FTO: variants seen among roughly 807,000 people sequenced by gnomAD.
FTO encodes alpha-ketoglutarate-dependent dioxygenase FTO.
FTO carries 47 observed loss-of-function variants against 63.9 expected under a neutral mutation model. That is an observed-to-expected ratio of 0.74 (90% CI 0.58 to 0.94). The LOEUF (loss-of-function observed/expected upper bound fraction) is 0.94, where lower values mean the gene tolerates loss of function less well. Among genes scored for constraint, FTO ranks in the 40% least tolerant of loss-of-function variants. The pLI, the probability that FTO is intolerant of heterozygous loss-of-function variation, is 0.00. For synonymous variants in FTO, 207 were observed against 224.4 expected, an observed-to-expected ratio of 0.92 and a Z score of 0.69; for missense variants, 562 against 618.1, an observed-to-expected ratio of 0.91 and a Z score of 0.96.
chr16:54,016,186 C>T (rs1436267115), intron 8 of FTO, among the ~76,000 whole-genome samples: 4 of 151,862 alleles, frequency 2.6e-5, no homozygotes, highest in African/African-American at 9.7e-5. Context: ...CAGACTGTCT[C>T]ATTCCAGAAT....
chr16:53,731,865 A>T (rs2076278023), intron 1 of FTO, among the ~76,000 whole-genome samples: 1 of 149,716 alleles, frequency 6.7e-6, no homozygotes. Flanking sequence ...CTCCTGCCTC[A>T]GCCTCCCGAG....
At chr16:53,930,381 G>A (rs1166652159) in intron 7 of FTO, among the ~76,000 whole-genome samples, 2 of 151,392 alleles carry the variant, frequency 1.3e-5, no homozygotes, top group South Asian at 2.1e-4. Flanking sequence ...CTGCCACCAC[G>A]CCCGGCTAAT....
intron 8 of FTO, among the ~76,000 whole-genome samples, chr16:53,996,188 TAAG>T (rs1452592920): frequency 6.6e-6 from 1 of 152,242 alleles, no homozygotes; most frequent in East Asian, 1.9e-4. Flanking sequence ...TCTGGTTCAA[TAAG>T]AAGCACCCCG....
At chr16:53,844,072 A>G in intron 3 of FTO, 83 bp from the exon 4 acceptor site, 1 of 1,043,312 alleles carries the variant, frequency 9.6e-7, no homozygotes, top group Non-Finnish European at 1.4e-6. Context: ...TTAAAATATC[A>G]ATTCTTTCTA....
chr16:53,828,010 C>G (rs9923295), intron 3 of FTO, among the ~76,000 whole-genome samples: 117,327 of 152,164 alleles, frequency 0.77, 45,294 homozygotes, highest in African/African-American at 0.82. Flanking sequence ...TACTCCCTTC[C>G]CGTGGGTGAT....
At chr16:54,064,442 GA>G (rs1305670269) in intron 8 of FTO, among the ~76,000 whole-genome samples, 12 of 152,280 alleles carry the variant, frequency 7.9e-5, no homozygotes, top group African/African-American at 2.9e-4. Context: ...TTCTAACCAT[GA>G]TTTAAATTCT....
chr16:54,093,903 G>A (rs1567567782), intron 8 of FTO, among the ~76,000 whole-genome samples: 1 of 152,140 alleles, frequency 6.6e-6, no homozygotes, highest in Non-Finnish European at 1.5e-5. Context: ...AGATGAGGTG[G>A]CCCAGACTGT....
chr16:53,986,478 G>T (rs1875778860), intron 8 of FTO, among the ~76,000 whole-genome samples: 1 of 152,178 alleles, frequency 6.6e-6, no homozygotes, highest in Admixed American at 6.5e-5. Flanking sequence ...GGGCATTTGT[G>T]TGGTACACAG....
chr16:53,778,125 C>A (rs923512225), intron 1 of FTO, among the ~76,000 whole-genome samples: 1 of 152,106 alleles, frequency 6.6e-6, no homozygotes, highest in Non-Finnish European at 1.5e-5. Context: ...AAACTAACTT[C>A]CTTTTTCTTT....
chr16:54,010,119 T>G (rs1018406404), intron 8 of FTO, among the ~76,000 whole-genome samples: 9 of 152,284 alleles, frequency 5.9e-5, no homozygotes, highest in Admixed American at 1.3e-4. Context: ...TCTTGCACTT[T>G]AATACAATTC....
intron 8 of FTO, among the ~76,000 whole-genome samples, chr16:54,110,737 A>T (rs2086864721): frequency 1.3e-5 from 2 of 152,196 alleles, no homozygotes; most frequent in East Asian, 3.9e-4. Context: ...ATTGATTTAG[A>T]CAAAAATGGA....
At chr16:53,764,129 A>G (rs910986954) in intron 1 of FTO, 3 of 152,202 alleles carry the variant, frequency 2.0e-5, no homozygotes, top group Non-Finnish European at 4.4e-5. Flanking sequence ...GAGGCACTCA[A>G]TGAATATTAG....
intron 1 of FTO, among the ~76,000 whole-genome samples, chr16:53,796,313 G>A (rs2078070733): frequency 1.3e-5 from 2 of 152,050 alleles, no homozygotes; most frequent in Non-Finnish European, 2.9e-5. Flanking sequence ...CAAAGTGCCG[G>A]GACTGTAGGA....
In FTO at chr16:53,879,999, C is replaced by CTTT; in HGVS notation, c.1119+23_1119+25dup. On this transcript the variant is annotated intron_variant, in intron 6 of 8. Transcript: ENST00000471389. The stretch of plus-strand genomic sequence containing the variant: ...AAATTCATAATGAGGTAAGGACTTT[C>CTTT]TTTTTTTTTTTTTGAGATGGAGTCT... 1.3e-5 allele frequency: 17 copies of CTTT among 1,264,712 alleles called. No homozygotes were observed. Among genetic ancestry groups the CTTT allele is most frequent in the South Asian group, 2.5e-5 (2 of 80,368 alleles). 78.3% of individuals were successfully genotyped at this position (1,264,712 alleles called of 1,614,324 possible). A position where few individuals can be genotyped will look rare whatever the true frequency, so the allele number is the denominator to read the frequency against.
chr16:54,076,161 A>G (rs2085988038), intron 8 of FTO, among the ~76,000 whole-genome samples: 2 of 152,138 alleles, frequency 1.3e-5, no homozygotes, highest in African/African-American at 4.8e-5. Flanking sequence ...GTGTATATTT[A>G]TAGTGTGTTT....
chr16:53,841,511 T>C (rs2079476566), intron 3 of FTO, among the ~76,000 whole-genome samples: 1 of 152,192 alleles, frequency 6.6e-6, no homozygotes, highest in African/African-American at 2.4e-5. Flanking sequence ...GTCAGATGTA[T>C]CCTTAAAAGT....
chr16:53,821,040 T>C (rs1290874736), intron 2 of FTO, among the ~76,000 whole-genome samples: 2 of 152,204 alleles, frequency 1.3e-5, no homozygotes, highest in African/African-American at 2.4e-5. Flanking sequence ...TATGTGGTTA[T>C]ATGTTTTTCC....
At chr16:53,869,196 T>C (rs1173710648) in intron 4 of FTO, among the ~76,000 whole-genome samples, 1 of 152,154 alleles carries the variant, frequency 6.6e-6, no homozygotes, top group Non-Finnish European at 1.5e-5. Context: ...CTGTTTTTTT[T>C]TCCTCTCAAC....
chr16:53,732,622 T>C (rs1156634066), intron 1 of FTO, among the ~76,000 whole-genome samples: 1 of 152,166 alleles, frequency 6.6e-6, no homozygotes, highest in Non-Finnish European at 1.5e-5. Context: ...TGCACTAAAA[T>C]GTGATGACCC....
Sources: allele counts gnomAD v4.1 joint callset (sites outside exome capture counted in the v4.1 genomes callset), GRCh38; gene constraint gnomAD v4.1.1; transcripts MANE v1.5; gene names NCBI Gene and HGNC (gene_info 2026-07-23, HGNC 2026-07-21).